MAGI2: variants seen among roughly 807,000 people sequenced by gnomAD.
MAGI2 encodes membrane associated guanylate kinase, WW and PDZ domain containing 2.
In MAGI2, 35 loss-of-function variants were observed where a neutral mutation model predicts 133.3. That is an observed-to-expected ratio of 0.26 (90% CI 0.20 to 0.35). The LOEUF (loss-of-function observed/expected upper bound fraction) is 0.35, where lower values mean the gene tolerates loss of function less well. MAGI2 is among the 10% of genes least tolerant of loss of function. The pLI is 1.00. For synonymous variants in MAGI2, 729 were observed against 710.6 expected (o/e 1.03, Z -0.41); for missense variants, 1,636 against 1,863.4 (o/e 0.88, Z 2.25).
intron 1 of MAGI2, among the ~76,000 whole-genome samples, chr7:79,088,521 C>CAT (rs1295774841): frequency 1.3e-5 from 2 of 152,040 alleles, no homozygotes; most frequent in Non-Finnish European, 2.9e-5. Context: ...TGCCTGATTG[C>CAT]CCTGGCCAGA....
chr7:78,480,326 C>T (rs1792220524), intron 6 of MAGI2, among the ~76,000 whole-genome samples: 1 of 151,820 alleles, frequency 6.6e-6, no homozygotes, highest in Non-Finnish European at 1.5e-5. Context: ...TGCTTATCTA[C>T]TCATTTTATG....
intron 1 of MAGI2, among the ~76,000 whole-genome samples, chr7:79,145,141 A>G (rs1330709572): frequency 6.6e-6 from 1 of 152,178 alleles, no homozygotes; most frequent in African/African-American, 2.4e-5. Flanking sequence ...GGAAGGGTCT[A>G]CTACTTCCTA....
chr7:79,419,647 T>C (rs1401345502), intron 1 of MAGI2, among the ~76,000 whole-genome samples: 1 of 151,990 alleles, frequency 6.6e-6, no homozygotes, highest in Non-Finnish European at 1.5e-5. Flanking sequence ...GAGGAAACCA[T>C]TGACAAGACA....
intron 1 of MAGI2, among the ~76,000 whole-genome samples, chr7:79,072,787 A>G (rs1173820179): frequency 6.6e-6 from 1 of 152,236 alleles, no homozygotes; most frequent in Non-Finnish European, 1.5e-5. Context: ...CATGTAGAAC[A>G]CATTTAATCC....
chr7:78,854,454 CA>C (rs1407308446), intron 2 of MAGI2, among the ~76,000 whole-genome samples: 1 of 151,738 alleles, frequency 6.6e-6, no homozygotes, highest in Non-Finnish European at 1.5e-5. Flanking sequence ...TATAGAGTTA[CA>C]AAAAATCATA....
At chr7:78,730,669 G>A (rs544863199) in intron 2 of MAGI2, among the ~76,000 whole-genome samples, 1 of 152,222 alleles carries the variant, frequency 6.6e-6, no homozygotes, top group Non-Finnish European at 1.5e-5. Flanking sequence ...CCACGGTAGA[G>A]TTGACTTTTA....
At chr7:79,156,144 T>G (rs1215011094) in intron 1 of MAGI2, among the ~76,000 whole-genome samples, 1 of 152,078 alleles carries the variant, frequency 6.6e-6, no homozygotes, top group Non-Finnish European at 1.5e-5. Context: ...AAATATAACT[T>G]CTTGTTAGAT....
At position 78,313,785 on chromosome 7, in the gene MAGI2, C is replaced by T. The variant is rs190932623; in HGVS notation, c.1408+29993G>A. Among the ~76,000 whole-genome samples, 39 of 152,102 alleles carry T rather than the reference C, an allele frequency of 2.6e-4. No homozygotes were observed. In the East Asian group the frequency reaches 5.4e-3, roughly 21 times the overall value. On this transcript the variant is annotated intron_variant, in intron 9 of 21. Transcript: ENST00000354212. Reference sequence around the variant, plus strand: ...TCAGAGACGGAAAAAAAATCATATGCTTATTTGCTATTTAATAGATTTAAG... The same window carrying T: ...TCAGAGACGGAAAAAAAATCATATGTTTATTTGCTATTTAATAGATTTAAG...
intron 3 of MAGI2, among the ~76,000 whole-genome samples, chr7:78,530,663 T>C (rs1797387280): frequency 6.6e-6 from 1 of 152,128 alleles, no homozygotes; most frequent in African/African-American, 2.4e-5. Flanking sequence ...TCGTGTTCAG[T>C]ACCCAGTGCC....
At chr7:78,724,023 C>T (rs1216155900) in intron 2 of MAGI2, among the ~76,000 whole-genome samples, 1 of 152,226 alleles carries the variant, frequency 6.6e-6, no homozygotes, top group Non-Finnish European at 1.5e-5. Flanking sequence ...CTAGGTCCTG[C>T]TGCTTGCTGC....
At chr7:78,139,739 T>A (rs754006767) in intron 16 of MAGI2, among the ~76,000 whole-genome samples, 1 of 152,222 alleles carries the variant, frequency 6.6e-6, no homozygotes, top group Non-Finnish European at 1.5e-5. Flanking sequence ...TTAGACGTAC[T>A]GACATTTAGG....
rs774116136 is a variant in MAGI2 at position 78,489,860 on chromosome 7, C to T, written c.966-20G>A. ...TTATGGCTGAAAAGAAAAGAGATCA[C>T]TCTGAACAGACACATACTAAAAGGA... On this transcript the variant is annotated intron_variant, in intron 5 of 21. Transcript: ENST00000354212. 1.0e-5 allele frequency: 16 copies of T among 1,581,426 alleles called. No homozygotes were observed. The highest frequency in any genetic ancestry group is 1.4e-5 in the Non-Finnish European group (16 of 1,152,286).
chr7:79,271,188 G>A (rs1490759137), intron 1 of MAGI2, among the ~76,000 whole-genome samples: 1 of 152,048 alleles, frequency 6.6e-6, no homozygotes, highest in South Asian at 2.1e-4. Context: ...CATCTTCTCT[G>A]AACTCCGGGA....
intron 1 of MAGI2, among the ~76,000 whole-genome samples, chr7:79,238,370 T>C (rs962133501): frequency 1.4e-4 from 22 of 152,184 alleles, no homozygotes; most frequent in Admixed American, 3.9e-4. Context: ...TGTGTTTCTG[T>C]TCCTTTTTGA....
At chr7:78,261,266 T>C (rs368856647) in intron 9 of MAGI2, among the ~76,000 whole-genome samples, 2 of 152,164 alleles carry the variant, frequency 1.3e-5, no homozygotes, top group Non-Finnish European at 2.9e-5. Context: ...ACTCACAACT[T>C]ACAACTTGTT....
intron 21 of MAGI2, chr7:78,026,017 C>A (rs951997456): frequency 6.6e-6 from 1 of 152,520 alleles, no homozygotes; most frequent in African/African-American, 2.4e-5. Flanking sequence ...ATCTTATATT[C>A]CACTGTGGGA....
chr7:78,418,609 A>G (rs1798509867), intron 6 of MAGI2, among the ~76,000 whole-genome samples: 1 of 152,152 alleles, frequency 6.6e-6, no homozygotes. Flanking sequence ...GTTAACTTAA[A>G]TGTAAATAGC....
At chr7:78,885,753 TTC>T (rs1796215450) in intron 2 of MAGI2, among the ~76,000 whole-genome samples, 1 of 152,192 alleles carries the variant, frequency 6.6e-6, no homozygotes, top group South Asian at 2.1e-4. Context: ...CAGCTACTTT[TTC>T]TCTCATAGAT....
chr7:78,807,076 T>C (rs1049822288), intron 2 of MAGI2, among the ~76,000 whole-genome samples: 22 of 151,924 alleles, frequency 1.4e-4, no homozygotes, highest in African/African-American at 5.3e-4. Flanking sequence ...TTGGTACAGA[T>C]GTTTATTGCA....
Sources: allele counts gnomAD v4.1 joint callset (sites outside exome capture counted in the v4.1 genomes callset), GRCh38; gene constraint gnomAD v4.1.1; transcripts MANE v1.5; gene names NCBI Gene and HGNC (gene_info 2026-07-23, HGNC 2026-07-21).